Variants in XIRP2 observed in about 807,000 individuals in gnomAD.
The protein encoded by XIRP2 is xin actin-binding repeat-containing protein 2.
Under a neutral mutation model 277.0 loss-of-function variants are expected in XIRP2, and 236 were observed. That is an observed-to-expected ratio of 0.85 (90% CI 0.77 to 0.95). The LOEUF (loss-of-function observed/expected upper bound fraction) is 0.95. Among genes scored for constraint, XIRP2 ranks in the 40% least tolerant of loss-of-function variants. The pLI, the probability that XIRP2 is intolerant of heterozygous loss-of-function variation, is 0.00. For missense variants in XIRP2, 4,640 were observed against 4,157.5 expected (o/e 1.12, Z -3.19); for synonymous variants, 1,490 against 1,416.5 (o/e 1.05, Z -1.17).
At chr2:167,257,188 T>A (rs1174800675) in intron 10 of XIRP2, among the ~76,000 whole-genome samples, 1 of 151,964 alleles carries the variant, frequency 6.6e-6, no homozygotes, top group Non-Finnish European at 1.5e-5. Flanking sequence ...GAGACCATCA[T>A]GCTGGCCTTG....
intron 3 of XIRP2, among the ~76,000 whole-genome samples, chr2:167,145,695 T>G (rs1309790572): frequency 1.3e-5 from 2 of 152,226 alleles, no homozygotes; most frequent in South Asian, 2.1e-4. Flanking sequence ...TCCATGAGAC[T>G]GCATGTATGC....
chr2:167,257,965 T>C lies in XIRP2; in HGVS notation c.*148T>C, dbSNP rs145325269. The C allele has an allele frequency of 3.1e-6, 5 of 1,613,092 alleles. No homozygotes were observed. Among genetic ancestry groups the C allele is most frequent in the African/African-American group, 2.7e-5 (2 of 74,970 alleles). On this transcript the variant is annotated 3_prime_UTR_variant, in exon 11 of 11. Transcript: ENST00000409195. ...ATGAAGGTTTTGGACATAAGCAGCA[T>C]AAAGATAGATGGAACTGCAAAAACC...
intron 1 of XIRP2, among the ~76,000 whole-genome samples, chr2:166,891,795 T>C (rs745465788): frequency 2.6e-5 from 4 of 152,162 alleles, no homozygotes; most frequent in Non-Finnish European, 5.9e-5. Flanking sequence ...ATTACACTAA[T>C]ATTAGCATTA....
chr2:167,087,993 T>G (rs1002080417), intron 2 of XIRP2, among the ~76,000 whole-genome samples: 2 of 152,156 alleles, frequency 1.3e-5, no homozygotes, highest in African/African-American at 4.8e-5. Flanking sequence ...GAATTAAATT[T>G]AATTACATAA....
chr2:167,218,539 TC>T (rs1694326421), intron 5 of XIRP2, among the ~76,000 whole-genome samples: 1 of 152,206 alleles, frequency 6.6e-6, no homozygotes, highest in Non-Finnish European at 1.5e-5. Context: ...CCTCTCATCT[TC>T]TAATGTTTCA....
intron 2 of XIRP2, among the ~76,000 whole-genome samples, chr2:167,023,025 G>T (rs544942578): frequency 6.6e-6 from 1 of 152,080 alleles, no homozygotes; most frequent in Non-Finnish European, 1.5e-5. Flanking sequence ...CTGAGGAATC[G>T]CCACACGGAC....
At chr2:166,966,974 T>C (rs1176958063) in intron 2 of XIRP2, among the ~76,000 whole-genome samples, 1 of 151,916 alleles carries the variant, frequency 6.6e-6, no homozygotes, top group African/African-American at 2.4e-5. Context: ...TGGAACAACA[T>C]CCTCAGGAGA....
intron 3 of XIRP2, among the ~76,000 whole-genome samples, chr2:167,144,857 T>C (rs1333230191): frequency 6.6e-6 from 1 of 152,204 alleles, no homozygotes; most frequent in Non-Finnish European, 1.5e-5. Context: ...CCCTAGATTT[T>C]GCATAGAATA....
At chr2:167,177,712 A>G in intron 3 of XIRP2, among the ~76,000 whole-genome samples, 1 of 152,314 alleles carries the variant, frequency 6.6e-6, no homozygotes, top group Non-Finnish European at 1.5e-5. Context: ...CAGATATGCA[A>G]ATATCCAACT....
intron 2 of XIRP2, among the ~76,000 whole-genome samples, chr2:167,052,037 C>G (rs1688926122): frequency 6.6e-6 from 1 of 151,874 alleles, no homozygotes; most frequent in South Asian, 2.1e-4. Flanking sequence ...GAATTGAAAA[C>G]TAGAGTGACT....
intron 2 of XIRP2, among the ~76,000 whole-genome samples, chr2:167,044,530 G>C (rs890447242): frequency 6.6e-6 from 1 of 152,042 alleles, no homozygotes; most frequent in Non-Finnish European, 1.5e-5. Context: ...AAATCCAATA[G>C]TCTCAGCCCA....
chr2:167,055,992 A>C (rs1689027828), intron 2 of XIRP2, among the ~76,000 whole-genome samples: 1 of 152,138 alleles, frequency 6.6e-6, no homozygotes, highest in Non-Finnish European at 1.5e-5. Flanking sequence ...TCATAAATAC[A>C]TCGGGTTCAG....
At chr2:167,208,368 G>A (rs1559021120) in intron 3 of XIRP2, among the ~76,000 whole-genome samples, 1 of 152,048 alleles carries the variant, frequency 6.6e-6, no homozygotes, top group Non-Finnish European at 1.5e-5. Context: ...GTGCGGTGGC[G>A]CGATCTTGGC....
intron 2 of XIRP2, among the ~76,000 whole-genome samples, chr2:166,963,142 A>G (rs1454686485): frequency 6.6e-6 from 1 of 151,824 alleles, no homozygotes; most frequent in Non-Finnish European, 1.5e-5. Context: ...TTTGTCAATT[A>G]AAAATTATTA....
In XIRP2 at chr2:167,240,717, T is replaced by C; in HGVS notation, c.1023T>C (p.His341=). 6.2e-7 allele frequency: 1 copy of C among 1,613,844 alleles called. No homozygotes were observed. Among genetic ancestry groups the C allele is most frequent in the Non-Finnish European group, 8.5e-7 (1 of 1,179,802 alleles). Residue 341 remains histidine, a synonymous_variant, in exon 7 of 11, where the codon CAT becomes CAC. Coordinates refer to ENST00000409195, the MANE Select transcript of XIRP2 (RefSeq NM_152381.6). ...TEEVNQASQF[H]QYVQETVIDT... is the part of the protein sequence containing the mutation. ...AAGTAAACCAAGCATCTCAGTTTCA[T>C]CAATATGTTCAAGAAACTGGTAAGA...
intron 2 of XIRP2, among the ~76,000 whole-genome samples, chr2:167,014,033 C>T (rs1687755865): frequency 6.8e-6 from 1 of 148,124 alleles, no homozygotes; most frequent in Non-Finnish European, 1.5e-5. Context: ...AATTAATCTG[C>T]TCATGATTAA....
intron 2 of XIRP2, 142 bp downstream of exon 2, chr2:166,904,032 G>A (rs1483894917): frequency 2.1e-6 from 2 of 944,606 alleles, no homozygotes; most frequent in Non-Finnish European, 3.1e-6. Context: ...AGTGTGAAAT[G>A]TGACATCCTC....
chr2:167,187,329 G>A (rs999537228), intron 3 of XIRP2: 1 of 985,226 alleles, frequency 1.0e-6, no homozygotes, highest in Admixed American at 6.2e-5. Flanking sequence ...GCATCCTTTA[G>A]ACGCTCTGCT....
intron 2 of XIRP2, among the ~76,000 whole-genome samples, chr2:166,994,464 A>C (rs1363504393): frequency 7.6e-6 from 1 of 132,084 alleles, no homozygotes; most frequent in African/African-American, 2.9e-5. Flanking sequence ...GTACCCTAAA[A>C]CTTAGAGTAT....
Sources: allele counts gnomAD v4.1 joint callset (sites outside exome capture counted in the v4.1 genomes callset), GRCh38; gene constraint gnomAD v4.1.1; transcripts MANE v1.5; gene names NCBI Gene and HGNC (gene_info 2026-07-23, HGNC 2026-07-21).